The following GIMD1 variants were observed in gnomAD, a reference collection of about 807,000 sequenced individuals.
GIMD1 encodes the protein GTPase IMAP family member GIMD1.
A neutral mutation model predicts 14.9 loss-of-function variants in GIMD1; 14 were observed. The observed-to-expected ratio is 0.94, with a 90% CI of 0.62 to 1.47. GIMD1 has a LOEUF of 1.47. Ranked by LOEUF, GIMD1 falls within the 40% of genes most tolerant of loss-of-function variation. The pLI, the probability that GIMD1 is intolerant of heterozygous loss-of-function variation, is 0.00. For missense variants in GIMD1, 272 were observed against 255.3 expected (o/e 1.07, Z -0.44); for synonymous variants, 91 against 90.5 (o/e 1.01, Z -0.03).
At chr4:106,364,672 T>C (rs2125934471) in intron 2 of GIMD1, among the ~76,000 whole-genome samples, 1 of 152,294 alleles carries the variant, frequency 6.6e-6, no homozygotes, top group Non-Finnish European at 1.5e-5. Context: ...TGGCTGCTGA[T>C]TTTCTTGGGA....
intron 2 of GIMD1, among the ~76,000 whole-genome samples, chr4:106,363,440 G>A (rs56346493): frequency 0.011 from 1,675 of 152,158 alleles, 30 homozygotes; most frequent in African/African-American, 0.038. Flanking sequence ...CCCATATCCA[G>A]TAGTTCATTT....
chr4:106,358,487 C>T, intron 2 of GIMD1, 44 bp from the exon 3 acceptor site: 2 of 1,418,984 alleles, frequency 1.4e-6, no homozygotes, highest in Non-Finnish European at 1.9e-6. Context: ...GAACTATATT[C>T]CTCAAAAATG....
Position 106,367,288 on chromosome 4 carries a change from C to T in GIMD1, c.148G>A (p.Gly50Ser), listed in dbSNP as rs1435579921. ...PCSVTTCCSL[G>S]RSCHLHSFMR... is the part of the protein sequence containing the mutation. Reference sequence around the variant, plus strand: ...AAGCTGTGGAGGTGACAACTGCGGCCCAGGCTACAACATGTGGTCACAGAA... The same window carrying T: ...AAGCTGTGGAGGTGACAACTGCGGCTCAGGCTACAACATGTGGTCACAGAA... Residue 50 changes from glycine to serine, a missense_variant, in exon 2 of 3, where the codon GGC (glycine) becomes AGC (serine). By Grantham distance (56) the Gly-to-Ser change is moderately conservative (BLOSUM62 0). Transcript: ENST00000638719. 2 of 1,535,814 alleles carry T rather than the reference C, an allele frequency of 1.3e-6. No homozygotes were observed. The highest frequency in any genetic ancestry group is 1.7e-6 in the Non-Finnish European group (2 of 1,146,846).
intron 2 of GIMD1, among the ~76,000 whole-genome samples, chr4:106,362,589 C>A (rs1285499816): frequency 6.6e-6 from 1 of 152,000 alleles, no homozygotes; most frequent in African/African-American, 2.4e-5. Context: ...TTCCCAGGAC[C>A]TCACCAGCCC....
In GIMD1 at chr4:106,367,696, G is replaced by GA. The variant is rs1212343216; in HGVS notation, c.-2-260dup. On this transcript the variant is annotated intron_variant, in intron 1 of 2. Coordinates refer to ENST00000638719, the MANE Select transcript of GIMD1 (RefSeq NM_001195138.2). ...CAGATAAGGAAGGATTTAGGAAACA[G>GA]AAAAAATCCCAAATTACATGAAGAT... Among the ~76,000 whole-genome samples the GA allele has an allele frequency of 3.9e-5, 6 of 152,238 alleles. No individual in the cohort carries two copies. In the East Asian group the frequency reaches 5.8e-4, roughly 15 times the overall value.
intron 1 of GIMD1, among the ~76,000 whole-genome samples, chr4:106,368,387 T>G (rs1222893329): frequency 2.6e-5 from 4 of 152,236 alleles, no homozygotes; most frequent in African/African-American, 9.6e-5. Flanking sequence ...AATAAAGACA[T>G]TTTAATATTG....
intron 2 of GIMD1, among the ~76,000 whole-genome samples, chr4:106,366,723 T>C (rs533904665): frequency 1.3e-5 from 2 of 152,218 alleles, no homozygotes; most frequent in East Asian, 3.9e-4. Context: ...ACAAACTTAT[T>C]TGGGTTTTTT....
intron 2 of GIMD1, 83 bp downstream of exon 2, chr4:106,366,960 T>A (rs3018064): frequency 0.22 from 56,418 of 257,490 alleles, 5,380 homozygotes; most frequent in East Asian, 0.34. Flanking sequence ...AATAATAATA[T>A]TATTATTATT....
rs533133734 is a variant in GIMD1 at position 106,363,957 on chromosome 4, G to C, written c.393+3086C>G. Among the ~76,000 whole-genome samples, 35 of 151,050 alleles carry C rather than the reference G, an allele frequency of 2.3e-4. No homozygotes were observed. The South Asian group carries it at 5.0e-3, about 22-fold the overall frequency. Reference sequence around the variant, plus strand: ...CCTACTGCAGCTTGGCTGTATGCCAGCTCTTTCCTTGAGGTGACTATATTA... The same window carrying C: ...CCTACTGCAGCTTGGCTGTATGCCACCTCTTTCCTTGAGGTGACTATATTA... On this transcript the variant is annotated intron_variant, in intron 2 of 2. Coordinates refer to ENST00000638719, the MANE Select transcript of GIMD1 (RefSeq NM_001195138.2).
chr4:106,365,789 A>T (rs1770688478), intron 2 of GIMD1, among the ~76,000 whole-genome samples: 1 of 152,042 alleles, frequency 6.6e-6, no homozygotes, highest in Non-Finnish European at 1.5e-5. Flanking sequence ...AGTTTCCAGG[A>T]ATTGTTAGGA....
intron 2 of GIMD1, among the ~76,000 whole-genome samples, chr4:106,366,617 C>A (rs1256490391): frequency 2.0e-5 from 3 of 152,132 alleles, no homozygotes; most frequent in Non-Finnish European, 2.9e-5. Flanking sequence ...TATGCAGGCT[C>A]CACTCCTGAG....
intron 2 of GIMD1, among the ~76,000 whole-genome samples, chr4:106,362,722 G>A (rs1033226515): frequency 6.6e-6 from 1 of 152,028 alleles, no homozygotes; most frequent in Admixed American, 6.6e-5. Flanking sequence ...GGAGGACAAT[G>A]AGGACCATTT....
Position 106,367,227 on chromosome 4 carries a change from A to T in GIMD1, c.209T>A (p.Val70Asp). The T allele has an allele frequency of 6.5e-7, 1 of 1,535,692 alleles. No homozygotes were observed. Among genetic ancestry groups the T allele is most frequent in the Non-Finnish European group, 8.7e-7 (1 of 1,146,732 alleles). Reference protein sequence around the residue: ...RRGGLEVALQVQVLDTPGYPH... With the variant: ...RRGGLEVALQDQVLDTPGYPH... Reference sequence around the variant, plus strand: ...ATAACCTGGAGTGTCCAACACCTGGACCTGCAGGGCTACCTCTAGCCCACC... The same window carrying T: ...ATAACCTGGAGTGTCCAACACCTGGTCCTGCAGGGCTACCTCTAGCCCACC... Residue 70 changes from valine (V) to aspartate (D), a missense_variant, in exon 2 of 3, where the codon GTC (valine) becomes GAC (aspartate). Physicochemically the swap from Val to Asp is radical, Grantham distance 152. Transcript: ENST00000638719.
intron 2 of GIMD1, among the ~76,000 whole-genome samples, chr4:106,362,360 CAT>C (rs1770625644): frequency 6.6e-6 from 1 of 152,016 alleles, no homozygotes; most frequent in Non-Finnish European, 1.5e-5. Flanking sequence ...GAGAAAGAAT[CAT>C]TACAGTTGAT....
At chr4:106,358,675 T>C (rs1041408065) in intron 2 of GIMD1, among the ~76,000 whole-genome samples, 1 of 151,858 alleles carries the variant, frequency 6.6e-6, no homozygotes, top group African/African-American at 2.4e-5. Flanking sequence ...ATTCTCTCTT[T>C]TATTTTACTA....
intron 2 of GIMD1, among the ~76,000 whole-genome samples, chr4:106,364,484 A>G (rs922913444): frequency 2.0e-5 from 3 of 152,148 alleles, no homozygotes; most frequent in African/African-American, 7.2e-5. Flanking sequence ...ACACTCTGCA[A>G]CAGCTTCCAA....
chr4:106,366,172 A>G (rs1177468823), intron 2 of GIMD1, among the ~76,000 whole-genome samples: 2 of 152,134 alleles, frequency 1.3e-5, no homozygotes, highest in African/African-American at 4.8e-5. Flanking sequence ...TTTTGGCTAG[A>G]ATGGAGCAGT....
intron 2 of GIMD1, among the ~76,000 whole-genome samples, chr4:106,362,323 T>C (rs1770624783): frequency 6.6e-6 from 1 of 152,104 alleles, no homozygotes. Context: ...ATCACGTTAG[T>C]GGCCAAACAT....
chr4:106,367,145 T>C lies in GIMD1; in HGVS notation c.291A>G (p.Ala97=). Residue 97 remains alanine, a synonymous_variant, in exon 2 of 3, where the codon GCA becomes GCG. Transcript: ENST00000638719. ...YVKQEVKEAL[A]HHFGQGGLHL... Reference sequence around the variant, plus strand: ...GGAGACCCCCTTGCCCGAAGTGATGTGCCAGAGCCTCTTTGACTTCCTGTT... The same window carrying C: ...GGAGACCCCCTTGCCCGAAGTGATGCGCCAGAGCCTCTTTGACTTCCTGTT... The C allele has an allele frequency of 6.5e-7, 1 of 1,535,650 alleles. No individual in the cohort carries two copies. The highest frequency in any genetic ancestry group is 1.2e-5 in the South Asian group (1 of 84,044).
Sources: gnomAD v4.1 joint callset for allele counts (sites outside exome capture counted in the v4.1 genomes callset) on GRCh38, gnomAD v4.1.1 for gene constraint, MANE v1.5 for transcripts, NCBI Gene and HGNC (gene_info 2026-07-23, HGNC 2026-07-21) for gene names.